The following CALD1 variants were observed in gnomAD, a reference collection of about 807,000 sequenced individuals.
The protein encoded by CALD1 is caldesmon.
In CALD1, 33 loss-of-function variants were observed where a neutral mutation model predicts 99.9. The observed-to-expected ratio is 0.33, with a 90% CI of 0.25 to 0.44. CALD1 has a LOEUF of 0.44. Among genes scored for constraint, CALD1 ranks in the 20% least tolerant of loss-of-function variants. CALD1 has a pLI of 1.00. For missense variants in CALD1, 861 were observed against 962.1 expected (o/e 0.89, Z 1.39); for synonymous variants, 310 against 325.0 (o/e 0.95, Z 0.50).
chr7:134,779,577 G>A (rs1038181417), upstream of CALD1: 1 of 398,094 alleles, frequency 2.5e-6, no homozygotes, highest in African/African-American at 2.1e-5. Context: ...TGTTCACTTA[G>A]CATGGACTTC....
intron 9 of CALD1, among the ~76,000 whole-genome samples, chr7:134,953,513 C>T (rs1284393519): frequency 1.3e-5 from 2 of 149,952 alleles, no homozygotes; most frequent in Non-Finnish European, 3.0e-5. Flanking sequence ...AGCAAAACTC[C>T]GTCTCAAAAA....
At chr7:134,765,556 C>G (rs1022792515) in intron 1 of CALD1, among the ~76,000 whole-genome samples, 3 of 152,112 alleles carry the variant, frequency 2.0e-5, no homozygotes, top group African/African-American at 7.2e-5. Context: ...AAAGGCAAAC[C>G]CCTTTTATGA....
intron 6 of CALD1, among the ~76,000 whole-genome samples, 180 bp from the exon 7 acceptor site, chr7:134,940,912 G>A (rs1806375240): frequency 6.6e-6 from 1 of 152,162 alleles, no homozygotes; most frequent in Non-Finnish European, 1.5e-5. Flanking sequence ...TTGTTCACAG[G>A]CTAAAGGACC....
chr7:134,734,669 C>T, the CALD1 span, among the ~76,000 whole-genome samples: 9 of 152,130 alleles, frequency 5.9e-5, no homozygotes, highest in Non-Finnish European at 1.0e-4. Context: ...ATATGTCTTA[C>T]GAGATCTGAT....
chr7:134,765,965 T>C (rs1254474762), intron 1 of CALD1, among the ~76,000 whole-genome samples: 1 of 151,770 alleles, frequency 6.6e-6, no homozygotes, highest in Non-Finnish European at 1.5e-5. Context: ...TCTCTCTCTC[T>C]TTCTCTCTCT....
Position 134,941,190 on chromosome 7 carries a change from T to C in CALD1, c.1485T>C (p.Asn495=), listed in dbSNP as rs879199930. 6.2e-7 allele frequency: 1 copy of C among 1,612,908 alleles called. No homozygotes were observed. Among genetic ancestry groups the C allele is most frequent in the South Asian group, 1.1e-5 (1 of 90,818 alleles). The change falls in exon 7 of 15, where the codon AAT becomes AAC. Residue 495 remains asparagine (N), a synonymous_variant. Coordinates refer to ENST00000361675, the MANE Select transcript of CALD1 (RefSeq NM_033138.4). The part of the protein sequence containing the change: ...KKGFTEVKSQ[N]GEFMTHKLKH... ...GATTTACAGAAGTTAAGTCGCAGAA[T>C]GGAGAATTCATGACCCACAAACTTA...
intron 1 of CALD1, among the ~76,000 whole-genome samples, chr7:134,829,585 C>T (rs1799139391): frequency 1.3e-5 from 2 of 152,012 alleles, no homozygotes; most frequent in South Asian, 4.2e-4. Flanking sequence ...GTGACTGGAT[C>T]ACAAAAGAGA....
intron 3 of CALD1, among the ~76,000 whole-genome samples, chr7:134,877,437 G>T (rs1801404274): frequency 6.6e-6 from 1 of 152,134 alleles, no homozygotes; most frequent in African/African-American, 2.4e-5. Context: ...CAAGACAAAA[G>T]CATGCAATAG....
chr7:134,767,829 G>T (rs1258663156), intron 1 of CALD1, among the ~76,000 whole-genome samples: 1 of 152,242 alleles, frequency 6.6e-6, no homozygotes, highest in Non-Finnish European at 1.5e-5. Context: ...ATATGAAAGT[G>T]ACAGTGACAA....
intron 3 of CALD1, among the ~76,000 whole-genome samples, chr7:134,882,688 G>A (rs1801661654): frequency 6.6e-6 from 1 of 152,170 alleles, no homozygotes; most frequent in African/African-American, 2.4e-5. Flanking sequence ...GTAGGATAAG[G>A]GTAGGGCCAA....
At chr7:134,803,846 C>A (rs892548068) in intron 1 of CALD1, among the ~76,000 whole-genome samples, 2 of 152,082 alleles carry the variant, frequency 1.3e-5, no homozygotes, top group Non-Finnish European at 2.9e-5. Context: ...CAGGTGCAGG[C>A]CACCACACCT....
chr7:134,742,118 C>T (rs1347612084), upstream of CALD1, among the ~76,000 whole-genome samples: 1 of 152,084 alleles, frequency 6.6e-6, no homozygotes, highest in Non-Finnish European at 1.5e-5. Flanking sequence ...GGAACTGGAA[C>T]AGTCATTTCC....
intron 3 of CALD1, among the ~76,000 whole-genome samples, chr7:134,909,408 C>T (rs1276635144): frequency 3.3e-5 from 5 of 152,196 alleles, no homozygotes; most frequent in African/African-American, 9.6e-5. Flanking sequence ...AAAGGCTGGG[C>T]GTGGTGGCTC....
At chr7:134,922,016 G>A (rs1804656590) in intron 3 of CALD1, among the ~76,000 whole-genome samples, 1 of 152,164 alleles carries the variant, frequency 6.6e-6, no homozygotes, top group South Asian at 2.1e-4. Flanking sequence ...CTAGTGAACT[G>A]ATTTTGGCAA....
At chr7:134,758,748 C>T (rs1796752101) in intron 1 of CALD1, among the ~76,000 whole-genome samples, 1 of 152,158 alleles carries the variant, frequency 6.6e-6, no homozygotes. Flanking sequence ...GGAGACTCCC[C>T]TTATTGCTAT....
At chr7:134,806,606 A>C (rs1034503904) in intron 1 of CALD1, among the ~76,000 whole-genome samples, 17 of 152,232 alleles carry the variant, frequency 1.1e-4, no homozygotes, top group African/African-American at 4.1e-4. Flanking sequence ...CATTTGAAGC[A>C]GAGTAGAAAT....
In CALD1 at chr7:134,933,490, G is replaced by C. The variant is rs778823063; in HGVS notation, c.721G>C (p.Glu241Gln). 1.1e-5 allele frequency: 17 copies of C among 1,613,886 alleles called. No individual in the cohort carries two copies. Among genetic ancestry groups the C allele is most frequent in the Non-Finnish European group, 1.4e-5 (16 of 1,179,986 alleles). The stretch of plus-strand genomic sequence containing the variant: ...GATCAGTTCAGAAGAGCCTAAACAA[G>C]AGGAGGAGAGGGAACAAGGTTCAGA... ...GQISSEEPKQ[E>Q]EEREQGSDEI... Residue 241 changes from glutamate to glutamine, a missense_variant, in exon 5 of 15, where the codon GAG (glutamate) becomes CAG (glutamine). Coordinates refer to ENST00000361675, the MANE Select transcript of CALD1 (RefSeq NM_033138.4).
At chr7:134,925,295 C>T (rs1804921142) in intron 3 of CALD1, among the ~76,000 whole-genome samples, 1 of 151,854 alleles carries the variant, frequency 6.6e-6, no homozygotes, top group Admixed American at 6.6e-5. Flanking sequence ...TCAGAGCTAA[C>T]AGCCAGCAAT....
At chr7:134,737,299 A>AAT in the CALD1 span, among the ~76,000 whole-genome samples, 10 of 81,398 alleles carry the variant, frequency 1.2e-4, no homozygotes, top group Non-Finnish European at 4.6e-5. Context: ...TAATTTTTGT[A>AAT]ATTTTTTTTT....
Sources: allele counts gnomAD v4.1 joint callset (sites outside exome capture counted in the v4.1 genomes callset), GRCh38; gene constraint gnomAD v4.1.1; transcripts MANE v1.5; gene names NCBI Gene and HGNC (gene_info 2026-07-23, HGNC 2026-07-21).